The following EIF2S3 variants were observed in gnomAD, a reference collection of about 807,000 sequenced individuals.
EIF2S3 encodes the protein eukaryotic translation initiation factor 2 subunit 3.
In EIF2S3, 2 loss-of-function variants were observed where a neutral mutation model predicts 31.7. The ratio of observed to expected loss-of-function variants is 0.06; its 90% CI spans 0.03 to 0.20. EIF2S3 has a LOEUF of 0.20. Ranked by LOEUF, EIF2S3 falls within the 10% of genes least tolerant of loss-of-function variation. The pLI, the probability that EIF2S3 is intolerant of heterozygous loss-of-function variation, is 1.00. For synonymous variants in EIF2S3, 120 were observed against 126.7 expected (o/e 0.95, Z 0.36); for missense variants, 96 against 359.3 (o/e 0.27, Z 5.92).
chrX:24,067,246 C>T (rs1470217731), intron 8 of EIF2S3, among the ~76,000 whole-genome samples: 2 of 111,250 alleles, frequency 1.8e-5, no homozygotes, highest in Admixed American at 9.6e-5. Flanking sequence ...CCATATTGGC[C>T]AGGCTGGTCT....
chrX:24,060,295 G>A, intron 5 of EIF2S3, 113 bp downstream of exon 5: 1 of 606,191 alleles, frequency 1.6e-6, no homozygotes, highest in Non-Finnish European at 2.7e-6. Context: ...AGGGTGACAT[G>A]AATGGGAACT....
intron 9 of EIF2S3, among the ~76,000 whole-genome samples, chrX:24,069,409 G>GAA (rs1361029681): frequency 1.1e-3 from 117 of 105,129 alleles, no homozygotes; most frequent in Non-Finnish European, 1.9e-3. Context: ...GAAAAGAAAA[G>GAA]AAAAAATGAA....
chrX:24,074,239 G>A (rs966354763), intron 11 of EIF2S3, among the ~76,000 whole-genome samples: 3 of 112,077 alleles, frequency 2.7e-5, no homozygotes, highest in African/African-American at 9.7e-5. Context: ...ATACAAACTA[G>A]TTACTTTATA....
At chrX:24,063,141 G>T (rs966940603) in intron 6 of EIF2S3, among the ~76,000 whole-genome samples, 2 of 112,148 alleles carry the variant, frequency 1.8e-5, no homozygotes, top group Non-Finnish European at 3.8e-5. Context: ...TACTTGGGAG[G>T]CTGAGGCAGG....
intron 11 of EIF2S3, among the ~76,000 whole-genome samples, chrX:24,076,052 A>C (rs1198563063): frequency 1.8e-5 from 2 of 111,634 alleles, no homozygotes; most frequent in Non-Finnish European, 1.9e-5. Flanking sequence ...CGATGGTCTC[A>C]TCACTTGTCC....
At chrX:24,075,608 AC>A (rs1930742150) in intron 11 of EIF2S3, among the ~76,000 whole-genome samples, 1 of 111,435 alleles carries the variant, frequency 9.0e-6, no homozygotes, top group Non-Finnish European at 1.9e-5. Context: ...TTTTCTAGAA[AC>A]CTGCTTCAAC....
chrX:24,063,984 T>C (rs1282535247), intron 6 of EIF2S3, among the ~76,000 whole-genome samples: 1 of 112,045 alleles, frequency 8.9e-6, no homozygotes, highest in East Asian at 2.8e-4. Flanking sequence ...GTAACAAATT[T>C]TCTCTTACAG....
chrX:24,060,387 G>A (rs1435642228), intron 5 of EIF2S3: 3 of 397,985 alleles, frequency 7.5e-6, no homozygotes, highest in South Asian at 5.0e-5. Flanking sequence ...GATAGCTTGC[G>A]AGAATTCTTG....
At chrX:24,069,451 A>G (rs1272599255) in intron 9 of EIF2S3, among the ~76,000 whole-genome samples, 7 of 107,656 alleles carry the variant, frequency 6.5e-5, no homozygotes, top group Non-Finnish European at 1.9e-5. Context: ...GCTCATGCTC[A>G]TAATTCCAGT....
rs1057515578 is a variant in EIF2S3 at position 24,057,695 on chromosome X, T to C, written c.324T>C (p.Ser108=). Reference sequence around the variant, plus strand: ...AATGTTATAGATCTTGTGGGAGCAGTACACCTGACGAGTTTCCTACGGACA... The same window carrying C: ...AATGTTATAGATCTTGTGGGAGCAGCACACCTGACGAGTTTCCTACGGACA... ...RPECYRSCGS[S]TPDEFPTDIP... is the part of the protein sequence containing the mutation. Residue 108 remains serine, a synonymous_variant, in exon 4 of 12, where the codon AGT becomes AGC. Coordinates refer to ENST00000253039, the MANE Select transcript of EIF2S3 (RefSeq NM_001415.4). The C allele has an allele frequency of 9.9e-6, 12 of 1,211,800 alleles. No homozygotes were observed. Among genetic ancestry groups the C allele is most frequent in the Non-Finnish European group, 1.3e-5 (12 of 895,423 alleles).
At chrX:24,061,710 A>G (rs1026035389) in intron 5 of EIF2S3, among the ~76,000 whole-genome samples, 2 of 111,548 alleles carry the variant, frequency 1.8e-5, no homozygotes, top group African/African-American at 6.5e-5. Context: ...TCACAATAGC[A>G]TTCTTCCCTC....
At chrX:24,060,052 T>A (rs1930467530) in intron 4 of EIF2S3, 36 bp from the exon 5 acceptor site, 1 of 1,076,539 alleles carries the variant, frequency 9.3e-7, no homozygotes, top group African/African-American at 1.8e-5. Context: ...AAGTAGTGAT[T>A]TATGTTAAGG....
chrX:24,076,924 C>CTTTTT lies in EIF2S3; in HGVS notation c.*140_*141insTTTTT, dbSNP rs747088489. On this transcript the variant is annotated 3_prime_UTR_variant, in exon 12 of 12. Transcript: ENST00000253039. Reference sequence around the variant, plus strand: ...CTTAGTAGGTAACGGTAAGGTTATTCTCTTTTTTTTTTTTTTTTTTTTTGG... The same window carrying CTTTTT: ...CTTAGTAGGTAACGGTAAGGTTATTCTTTTTTCTTTTTTTTTTTTTTTTTTTTTGG... The CTTTTT allele has an allele frequency of 3.1e-4, 36 of 117,559 alleles. No homozygotes were observed. Among genetic ancestry groups the CTTTTT allele is most frequent in the African/African-American group, 2.2e-3 (24 of 11,047 alleles). 9.7% of individuals were successfully genotyped at this position (117,559 alleles called of 1,213,427 possible). A position where few individuals can be genotyped will look rare whatever the true frequency, so the allele number is the denominator to read the frequency against.
At chrX:24,069,325 C>A (rs1242166511) in intron 9 of EIF2S3, among the ~76,000 whole-genome samples, 1 of 100,910 alleles carries the variant, frequency 9.9e-6, no homozygotes, top group South Asian at 4.7e-4. Context: ...GAGGGTGAGC[C>A]GAGATCACAC....
chrX:24,068,092 T>C lies in EIF2S3; in HGVS notation c.996T>C (p.Ala332=), dbSNP rs1930606149. ...AGCATAATGATCTGCAATATGCTGC[T>C]CCAGGCGGTCTTATTGGTAAGGATT... ...FAEHNDLQYA[A]PGGLIGVGTK... The change falls in exon 9 of 12, where the codon GCT becomes GCC. Residue 332 remains alanine, a synonymous_variant. Transcript: ENST00000253039. The C allele has an allele frequency of 2.5e-6, 3 of 1,183,032 alleles. No individual in the cohort carries two copies. Among genetic ancestry groups the C allele is most frequent in the Non-Finnish European group, 3.4e-6 (3 of 878,484 alleles).
chrX:24,058,540 T>TC (rs1569277879), intron 4 of EIF2S3, among the ~76,000 whole-genome samples: 2 of 30,510 alleles, frequency 6.6e-5, no homozygotes, highest in Non-Finnish European at 2.7e-4. Flanking sequence ...TTCTTTCTTT[T>TC]TTTTTTTTTT....
At chrX:24,056,530 C>G (rs1439046275) in intron 2 of EIF2S3, among the ~76,000 whole-genome samples, 2 of 111,858 alleles carry the variant, frequency 1.8e-5, no homozygotes, top group African/African-American at 6.5e-5. Flanking sequence ...CCCATCATAC[C>G]TGTTTAATCT....
In EIF2S3 at chrX:24,078,360, C is replaced by T. The variant is rs1360157107; in HGVS notation, c.*1575C>T. ...TTATGTTTTTGCTTCGTAAGAGGTT[C>T]TGTTGAGCAGTGATTTGCAACTCTT... is the stretch of plus-strand genomic sequence containing the variant. On this transcript the variant is annotated 3_prime_UTR_variant, in exon 12 of 12. Coordinates refer to ENST00000253039, the MANE Select transcript of EIF2S3 (RefSeq NM_001415.4). Among the ~76,000 whole-genome samples, 1 of 109,794 alleles carries T rather than the reference C, an allele frequency of 9.1e-6. No individual in the cohort carries two copies. The highest frequency in any genetic ancestry group is 1.9e-5 in the Non-Finnish European group (1 of 52,779).
intron 6 of EIF2S3, among the ~76,000 whole-genome samples, chrX:24,062,846 A>C (rs778784273): frequency 2.7e-5 from 3 of 111,856 alleles, no homozygotes; most frequent in Non-Finnish European, 3.8e-5. Context: ...ATTAAAAAAA[A>C]TCTCAGTGAC....
Sources: gnomAD v4.1 joint callset for allele counts (sites outside exome capture counted in the v4.1 genomes callset) on GRCh38, gnomAD v4.1.1 for gene constraint, MANE v1.5 for transcripts, NCBI Gene and HGNC (gene_info 2026-07-23, HGNC 2026-07-21) for gene names.